The following CRPPA variants were observed in gnomAD, a reference collection of about 807,000 sequenced individuals.
The protein encoded by CRPPA is D-ribitol-5-phosphate cytidylyltransferase.
Under a neutral mutation model 52.0 loss-of-function variants are expected in CRPPA, and 43 were observed. The ratio of observed to expected loss-of-function variants is 0.83; its 90% confidence interval spans 0.65 to 1.07. The LOEUF (loss-of-function observed/expected upper bound fraction) is 1.07. Ranked by LOEUF, CRPPA falls within the 50% of genes least tolerant of loss-of-function variation. CRPPA has a pLI of 0.00. For missense variants in CRPPA, 629 were observed against 551.7 expected (o/e 1.14, Z -1.40); for synonymous variants, 250 against 203.5 (o/e 1.23, Z -1.94).
rs1373002437 is a variant in CRPPA, at chr7:16,089,630, T to C, written c.*2065A>G. Reference sequence around the variant, plus strand: ...GGGTATACATACATGTATATGTATGTATGTATTTTTTTTTCCCAATGCTGT... The same window carrying C: ...GGGTATACATACATGTATATGTATGCATGTATTTTTTTTTCCCAATGCTGT... On this transcript the variant is annotated 3_prime_UTR_variant, in exon 10 of 10. Transcript: ENST00000407010. The C allele has an allele frequency of 2.4e-5, 5 of 205,132 alleles. No homozygotes were observed. Among genetic ancestry groups the C allele is most frequent in the Admixed American group, 5.1e-5 (1 of 19,474 alleles). The allele number at this position is 205,132 out of a possible 1,614,324, so 12.7% of individuals were successfully genotyped here. A position where few individuals can be genotyped will look rare whatever the true frequency, so the allele number is the denominator to read the frequency against.
At chr7:16,159,712 G>C (rs542298283) in intron 9 of CRPPA, among the ~76,000 whole-genome samples, 2 of 152,214 alleles carry the variant, frequency 1.3e-5, no homozygotes, top group African/African-American at 4.8e-5. Context: ...ATAATCCTTT[G>C]GATATATACA....
chr7:16,146,898 G>C (rs73291886), intron 9 of CRPPA, among the ~76,000 whole-genome samples: 1 of 152,170 alleles, frequency 6.6e-6, no homozygotes, highest in Admixed American at 6.5e-5. Context: ...AATTGCAGTA[G>C]TAAGTTCCTA....
At chr7:16,404,790 C>T (rs1160708558) in intron 2 of CRPPA, among the ~76,000 whole-genome samples, 12 of 152,134 alleles carry the variant, frequency 7.9e-5, no homozygotes, top group Non-Finnish European at 1.3e-4. Context: ...GATTACCTTG[C>T]CTCTACCACA....
chr7:16,244,827 CA>C (rs2128407702), intron 8 of CRPPA, among the ~76,000 whole-genome samples: 1 of 152,172 alleles, frequency 6.6e-6, no homozygotes, highest in African/African-American at 2.4e-5. Context: ...AAATCTCAGC[CA>C]AGACAAAATG....
At chr7:16,399,360 T>A (rs1453175923) in intron 2 of CRPPA, among the ~76,000 whole-genome samples, 1 of 151,480 alleles carries the variant, frequency 6.6e-6, no homozygotes, top group East Asian at 2.0e-4. Flanking sequence ...CTGACATGAT[T>A]GACGTGACAC....
At chr7:16,138,790 A>AT (rs1273945939) in intron 9 of CRPPA, among the ~76,000 whole-genome samples, 4 of 151,748 alleles carry the variant, frequency 2.6e-5, no homozygotes, top group Non-Finnish European at 4.4e-5. Context: ...CCCACACATT[A>AT]TTTTTTTGTC....
intron 9 of CRPPA, among the ~76,000 whole-genome samples, chr7:16,194,638 A>G (rs1273857728): frequency 6.6e-6 from 1 of 152,124 alleles, no homozygotes; most frequent in African/African-American, 2.4e-5. Context: ...ATTTTGCTGT[A>G]TTGCTTTAAT....
intron 9 of CRPPA, among the ~76,000 whole-genome samples, chr7:16,136,762 A>T (rs1261389172): frequency 6.6e-6 from 1 of 152,182 alleles, no homozygotes; most frequent in African/African-American, 2.4e-5. Flanking sequence ...GTGAGGTGAG[A>T]GTAGTAGGAA....
chr7:16,154,204 A>G (rs1029344636), intron 9 of CRPPA, among the ~76,000 whole-genome samples: 1 of 152,102 alleles, frequency 6.6e-6, no homozygotes, highest in Admixed American at 6.6e-5. Flanking sequence ...CATTTATTGA[A>G]CACTGAGTAA....
At chr7:16,172,197 T>C (rs74718519) in intron 9 of CRPPA, among the ~76,000 whole-genome samples, 2,118 of 152,192 alleles carry the variant, frequency 0.014, 44 homozygotes, top group African/African-American at 0.045. Context: ...CTGCAGAGTT[T>C]CCCCTTTGCC....
chr7:16,276,466 CA>C (rs1347571122), intron 6 of CRPPA: 1 of 152,042 alleles, frequency 6.6e-6, no homozygotes, highest in Non-Finnish European at 1.5e-5. Flanking sequence ...CACACTTGAC[CA>C]AAACACTTTA....
At chr7:16,134,694 A>T (rs1782733840) in intron 9 of CRPPA, among the ~76,000 whole-genome samples, 2 of 152,200 alleles carry the variant, frequency 1.3e-5, no homozygotes, top group African/African-American at 2.4e-5. Flanking sequence ...TAAAAACAAA[A>T]ATAAGATTAA....
In CRPPA at chr7:16,406,189, C is replaced by T. The variant is rs1339476354; in HGVS notation, c.406G>A (p.Ala136Thr). ...GAGTTGATCTGATCTTCTGCCAGTGCTTTTAGTCCATTGAAAATTGACCTG... is the reference window on the plus strand; with the variant it reads ...GAGTTGATCTGATCTTCTGCCAGTGTTTTTAGTCCATTGAAAATTGACCTG... ...RHRSIFNGLKALAEDQINSKL... is the reference protein window; with the variant it reads ...RHRSIFNGLKTLAEDQINSKL... The change falls in exon 2 of 10, where the codon GCA (alanine) becomes ACA (threonine). Residue 136 changes from alanine to threonine, a missense_variant. Coordinates refer to ENST00000407010, the MANE Select transcript of CRPPA (RefSeq NM_001101426.4). 1 of 1,613,984 alleles carries T rather than the reference C, an allele frequency of 6.2e-7. No individual in the cohort carries two copies. The highest frequency in any genetic ancestry group is 8.5e-7 in the Non-Finnish European group (1 of 1,179,888).
At chr7:16,363,074 T>C (rs1786499297) in intron 3 of CRPPA, among the ~76,000 whole-genome samples, 2 of 152,182 alleles carry the variant, frequency 1.3e-5, no homozygotes, top group African/African-American at 4.8e-5. Context: ...TCAATAACCA[T>C]TATGGAAATT....
chr7:16,129,448 G>C (rs566878195), intron 9 of CRPPA, among the ~76,000 whole-genome samples: 1 of 151,838 alleles, frequency 6.6e-6, no homozygotes, highest in Non-Finnish European at 1.5e-5. Context: ...GATCTCCTGC[G>C]TTGGTCAAAT....
chr7:16,308,624 T>C lies in CRPPA; in HGVS notation c.688A>G (p.Ser230Gly). ...DVIYEAYQQC[S>G]DYDLEFGTEC... The stretch of plus-strand genomic sequence containing the variant: ...GTTCCAAATTCCAAGTCATAGTCAC[T>C]ACACTGGTGTGGAAACAACAACAAC... The change falls in exon 4 of 10, where the codon AGT (serine) becomes GGT (glycine). Residue 230 changes from serine (S) to glycine (G), a missense_variant. By Grantham distance (56) the Ser-to-Gly change is moderately conservative (BLOSUM62 0). Coordinates refer to ENST00000407010, the MANE Select transcript of CRPPA (RefSeq NM_001101426.4). 1 of 1,569,044 alleles carries C rather than the reference T, an allele frequency of 6.4e-7. No homozygotes were observed. Among genetic ancestry groups the C allele is most frequent in the Non-Finnish European group, 8.8e-7 (1 of 1,141,930 alleles).
At chr7:16,119,420 A>G (rs191017204) in intron 9 of CRPPA, among the ~76,000 whole-genome samples, 36 of 152,310 alleles carry the variant, frequency 2.4e-4, no homozygotes, top group Admixed American at 2.4e-3. Context: ...AAATCCTTAA[A>G]CAGCTAAGAA....
At position 16,398,855 on chromosome 7, in the gene CRPPA, T is replaced by G. The variant is rs1351381180; in HGVS notation, c.534+7206A>C. ...ACGTGACTGACGCGATTTACGTAACTGGCATGTGTCCAACACGTGACTCAC... is the reference window on the plus strand; with the variant it reads ...ACGTGACTGACGCGATTTACGTAACGGGCATGTGTCCAACACGTGACTCAC... On this transcript the variant is annotated intron_variant, in intron 2 of 9. Transcript: ENST00000407010. Among the ~76,000 whole-genome samples the G allele has an allele frequency of 2.0e-5, 3 of 152,084 alleles. No individual in the cohort carries two copies. The East Asian group carries it at 5.8e-4, about 29-fold the overall frequency.
At chr7:16,223,698 A>G (rs1265650687) in intron 8 of CRPPA, among the ~76,000 whole-genome samples, 3 of 152,208 alleles carry the variant, frequency 2.0e-5, no homozygotes, top group Non-Finnish European at 2.9e-5. Context: ...ATTTAAAAAA[A>G]CAGAGCTGTT....
Sources: allele counts gnomAD v4.1 joint callset (sites outside exome capture counted in the v4.1 genomes callset), GRCh38; gene constraint gnomAD v4.1.1; transcripts MANE v1.5; gene names NCBI Gene and HGNC (gene_info 2026-07-23, HGNC 2026-07-21).